Variants in PRKCE observed in about 807,000 individuals in gnomAD.
PRKCE encodes the protein protein kinase C epsilon.
PRKCE carries 16 observed loss-of-function variants against 85.4 expected under a neutral mutation model. The observed-to-expected ratio is 0.19, with a 90% CI of 0.13 to 0.28. The LOEUF (loss-of-function observed/expected upper bound fraction) is 0.28, where lower values mean the gene tolerates loss of function less well. Among genes scored for constraint, PRKCE ranks in the 10% least tolerant of loss-of-function variants. PRKCE has a pLI of 1.00. For synonymous variants in PRKCE, 388 were observed against 371.5 expected (o/e 1.04, Z -0.51); for missense variants, 573 against 975.2 (o/e 0.59, Z 5.49).
At chr2:46,043,578 C>T (rs1708343380) in intron 10 of PRKCE, among the ~76,000 whole-genome samples, 1 of 152,156 alleles carries the variant, frequency 6.6e-6, no homozygotes, top group Admixed American at 6.5e-5. Flanking sequence ...CAAGCTTCTT[C>T]ATTAGCAGCA....
chr2:45,824,578 C>T (rs925796954), intron 1 of PRKCE, among the ~76,000 whole-genome samples: 4 of 152,234 alleles, frequency 2.6e-5, no homozygotes, highest in South Asian at 4.1e-4. Flanking sequence ...TCCTCCCTCC[C>T]TCCCTCCGTC....
At chr2:46,166,769 T>C (rs1425823342) in intron 14 of PRKCE, 1 of 152,224 alleles carries the variant, frequency 6.6e-6, no homozygotes, top group Non-Finnish European at 1.5e-5. Context: ...GGCAGGCAGA[T>C]CACTTGCACT....
intron 1 of PRKCE, among the ~76,000 whole-genome samples, chr2:45,803,911 G>A (rs113996203): frequency 0.012 from 1,799 of 152,308 alleles, 22 homozygotes; most frequent in Middle Eastern, 0.041. Flanking sequence ...TACACAGGAT[G>A]TTGTTTAATG....
chr2:46,090,944 C>T (rs1670106744), intron 11 of PRKCE, among the ~76,000 whole-genome samples: 1 of 152,232 alleles, frequency 6.6e-6, no homozygotes, highest in Non-Finnish European at 1.5e-5. Context: ...ATTTTCCAGC[C>T]TTCCTGTTGG....
intron 1 of PRKCE, among the ~76,000 whole-genome samples, chr2:45,838,636 G>A (rs142746894): frequency 3.1e-3 from 466 of 152,064 alleles, no homozygotes; most frequent in Non-Finnish European, 5.3e-3. Context: ...AAAAAAAAAT[G>A]TTTTCAGAGA....
At chr2:45,843,515 C>T (rs551717425) in intron 2 of PRKCE, among the ~76,000 whole-genome samples, 1 of 152,234 alleles carries the variant, frequency 6.6e-6, no homozygotes, top group African/African-American at 2.4e-5. Context: ...TTTACACAGA[C>T]AAAAGCTCTG....
intron 11 of PRKCE, among the ~76,000 whole-genome samples, chr2:46,144,817 T>C (rs1675910550): frequency 6.6e-6 from 1 of 152,216 alleles, no homozygotes; most frequent in Admixed American, 6.5e-5. Flanking sequence ...GGCTTCTATA[T>C]ATACCTACTG....
chr2:46,015,915 G>C (rs1331970751), intron 10 of PRKCE, among the ~76,000 whole-genome samples: 1 of 152,176 alleles, frequency 6.6e-6, no homozygotes, highest in Non-Finnish European at 1.5e-5. Flanking sequence ...AAGAGATTGA[G>C]ATGCTCAACA....
intron 10 of PRKCE, among the ~76,000 whole-genome samples, chr2:46,037,822 A>C (rs1307125494): frequency 6.6e-6 from 1 of 152,200 alleles, no homozygotes. Context: ...AGCTCTAGCA[A>C]AGAGGGAAAG....
At chr2:45,947,862 T>C (rs1259629323) in intron 2 of PRKCE, among the ~76,000 whole-genome samples, 1 of 152,234 alleles carries the variant, frequency 6.6e-6, no homozygotes, top group Non-Finnish European at 1.5e-5. Flanking sequence ...CTCTAAAGTG[T>C]ATATTTCTTT....
At chr2:45,956,485 G>A (rs1461699137) in intron 2 of PRKCE, among the ~76,000 whole-genome samples, 1 of 151,432 alleles carries the variant, frequency 6.6e-6, no homozygotes, top group Non-Finnish European at 1.5e-5. Flanking sequence ...TTCAAGACCA[G>A]CCTGACCAAT....
At chr2:45,795,988 G>A (rs904621501) in intron 1 of PRKCE, among the ~76,000 whole-genome samples, 11 of 152,190 alleles carry the variant, frequency 7.2e-5, no homozygotes, top group Admixed American at 6.5e-4. Context: ...TTATTTCTAA[G>A]CAATACTCCC....
intron 1 of PRKCE, among the ~76,000 whole-genome samples, chr2:45,694,424 C>G (rs1402827565): frequency 6.6e-6 from 1 of 152,138 alleles, no homozygotes; most frequent in Non-Finnish European, 1.5e-5. Flanking sequence ...ACTTCAACCC[C>G]ATGCCACGTT....
At chr2:45,962,589 C>G (rs530816833) in intron 2 of PRKCE, among the ~76,000 whole-genome samples, 3 of 152,318 alleles carry the variant, frequency 2.0e-5, no homozygotes, top group Admixed American at 6.5e-5. Flanking sequence ...GGTTGCAGAG[C>G]TATTAGAAAT....
rs1193938052 is a variant in PRKCE at position 46,155,454 on chromosome 2, C to G, written c.1921-4152C>G. ...CCCCGGGTCCTCTGGGTACCCTGTG[C>G]TCTCCCCTGCACAGCACTCTCCCAC... On this transcript the variant is annotated intron_variant, in intron 13 of 14. Transcript: ENST00000306156. This position sits in a 1 kb window ranked among gnomAD's most constrained non-coding sequence, Gnocchi z 4.7. Among the ~76,000 whole-genome samples, 13 of 152,110 alleles carry G rather than the reference C, an allele frequency of 8.5e-5. No homozygotes were observed. Among genetic ancestry groups the G allele is most frequent in the Non-Finnish European group, 1.9e-4 (13 of 68,010 alleles).
At chr2:46,098,299 T>C (rs1670896671) in intron 11 of PRKCE, among the ~76,000 whole-genome samples, 1 of 151,922 alleles carries the variant, frequency 6.6e-6, no homozygotes, top group South Asian at 2.1e-4. Flanking sequence ...AGTTCCTTCA[T>C]CTGTTAAATG....
chr2:45,878,579 A>G (rs1008463005), intron 2 of PRKCE, among the ~76,000 whole-genome samples: 1 of 152,130 alleles, frequency 6.6e-6, no homozygotes, highest in Non-Finnish European at 1.5e-5. Flanking sequence ...CTAGATCTTC[A>G]CTACTATCTT....
At chr2:45,922,489 C>T (rs1039434703) in intron 2 of PRKCE, among the ~76,000 whole-genome samples, 1 of 152,196 alleles carries the variant, frequency 6.6e-6, no homozygotes, top group South Asian at 2.1e-4. Flanking sequence ...ACTGCCCTCC[C>T]TGGAATTGTA....
At chr2:45,663,147 C>T (rs552080094) in intron 1 of PRKCE, among the ~76,000 whole-genome samples, 55 of 152,310 alleles carry the variant, frequency 3.6e-4, no homozygotes, top group African/African-American at 1.2e-3. Flanking sequence ...GATGGTCTAT[C>T]GCAAAGCGAG....
Sources: allele counts gnomAD v4.1 joint callset (sites outside exome capture counted in the v4.1 genomes callset), GRCh38; gene constraint gnomAD v4.1.1; non-coding constraint Gnocchi (gnomAD v3.1); transcripts MANE v1.5; gene names NCBI Gene and HGNC (gene_info 2026-07-23, HGNC 2026-07-21).